The following DNAH9 variants were observed in gnomAD, a reference collection of about 807,000 sequenced individuals.
DNAH9 encodes the protein DNAH9 variant protein.
Under a neutral mutation model 471.6 loss-of-function variants are expected in DNAH9, and 345 were observed. That is an observed-to-expected ratio of 0.73 (90% confidence interval 0.67 to 0.80). DNAH9 has a LOEUF of 0.80. Ranked by LOEUF, DNAH9 falls within the 30% of genes least tolerant of loss-of-function variation. DNAH9 has a pLI of 0.00. For missense variants in DNAH9, 5,407 were observed against 5,609.2 expected (o/e 0.96, Z 1.15); for synonymous variants, 2,093 against 2,123.6 (o/e 0.99, Z 0.40).
intron 59 of DNAH9, 81 bp from the exon 60 acceptor site, chr17:11,902,638 T>G (rs1023781389): frequency 4.8e-6 from 6 of 1,260,176 alleles, no homozygotes; most frequent in Admixed American, 4.1e-5. Context: ...GATAAGACCA[T>G]CTGGCCCCTC....
intron 61 of DNAH9, among the ~76,000 whole-genome samples, chr17:11,915,516 A>G (rs1324702346): frequency 1.3e-5 from 2 of 149,752 alleles, no homozygotes; most frequent in Non-Finnish European, 3.0e-5. Context: ...CAGAGACTCC[A>G]TCTCAAAAAC....
Position 11,854,124 on chromosome 17 carries a change from C to T in DNAH9, c.9629C>T (p.Ala3210Val), listed in dbSNP as rs1385089946. ...GRVPKDRSWKAAKVTMAKVDG... is the reference protein window; with the variant it reads ...GRVPKDRSWKVAKVTMAKVDG... Reference sequence around the variant, plus strand: ...GTGCCCAAGGACCGGAGCTGGAAGGCTGCTAAGGTCACCATGGCCAAAGTG... The same window carrying T: ...GTGCCCAAGGACCGGAGCTGGAAGGTTGCTAAGGTCACCATGGCCAAAGTG... Residue 3210 changes from alanine (A) to valine (V), a missense_variant, in exon 50 of 69, where the codon GCT becomes GTT. Ala to Val is a moderately conservative substitution (Grantham distance 64, BLOSUM62 0). Coordinates refer to ENST00000262442, the MANE Select transcript of DNAH9 (RefSeq NM_001372.4). 2 of 1,614,072 alleles carry T rather than the reference C, an allele frequency of 1.2e-6. No homozygotes were observed. Among genetic ancestry groups the T allele is most frequent in the Admixed American group, 3.3e-5 (2 of 60,000 alleles).
intron 53 of DNAH9, among the ~76,000 whole-genome samples, chr17:11,877,131 T>C (rs1316645068): frequency 1.3e-5 from 2 of 151,864 alleles, no homozygotes; most frequent in Non-Finnish European, 2.9e-5. Context: ...ATATGTTACA[T>C]ATATTTTACC....
At chr17:11,931,950 A>C (rs1597842124) in intron 63 of DNAH9, 64 bp from the exon 64 acceptor site, 12 of 1,567,066 alleles carry the variant, frequency 7.7e-6, no homozygotes, top group Non-Finnish European at 7.0e-6. Context: ...TTGTAACCTC[A>C]CCCTAGCCAG....
At chr17:11,721,727 C>A (rs2075063371) in intron 27 of DNAH9, among the ~76,000 whole-genome samples, 1 of 151,916 alleles carries the variant, frequency 6.6e-6, no homozygotes, top group African/African-American at 2.4e-5. Flanking sequence ...GATAGTATAA[C>A]CCGATTTTAT....
At chr17:11,729,143 T>C (rs1031003561) in intron 28 of DNAH9, among the ~76,000 whole-genome samples, 1 of 152,212 alleles carries the variant, frequency 6.6e-6, no homozygotes, top group East Asian at 1.9e-4. Context: ...GGCTGAGCAG[T>C]AGGAAAACTG....
chr17:11,826,820 CTTTTT>C (rs760330537), intron 48 of DNAH9, among the ~76,000 whole-genome samples: 7 of 103,022 alleles, frequency 6.8e-5, no homozygotes, highest in Admixed American at 5.1e-4. Flanking sequence ...TCCCTACTTT[CTTTTT>C]TTTTTTTTTT....
chr17:11,657,345 C>G (rs1193921616), intron 14 of DNAH9, among the ~76,000 whole-genome samples: 1 of 152,020 alleles, frequency 6.6e-6, no homozygotes, highest in Non-Finnish European at 1.5e-5. Context: ...TTTTCATATG[C>G]TGATTGGCCA....
intron 19 of DNAH9, among the ~76,000 whole-genome samples, chr17:11,688,769 G>T (rs142721547): frequency 0.011 from 1,627 of 152,298 alleles, 33 homozygotes; most frequent in African/African-American, 0.037. Context: ...GGAGGGTCAA[G>T]GTTGGGCTCC....
At chr17:11,794,554 C>T (rs1323037007) in intron 42 of DNAH9, among the ~76,000 whole-genome samples, 1 of 152,148 alleles carries the variant, frequency 6.6e-6, no homozygotes, top group Non-Finnish European at 1.5e-5. Context: ...TCCTTTTAAC[C>T]ATTTCTGACA....
chr17:11,903,645 T>C (rs1333821421), intron 60 of DNAH9, among the ~76,000 whole-genome samples: 1 of 151,946 alleles, frequency 6.6e-6, no homozygotes, highest in Non-Finnish European at 1.5e-5. Flanking sequence ...GCGCGGTGGC[T>C]CACGCCTGTA....
intron 61 of DNAH9, among the ~76,000 whole-genome samples, chr17:11,907,508 T>C: frequency 6.7e-6 from 1 of 148,676 alleles, no homozygotes; most frequent in Admixed American, 6.8e-5. Flanking sequence ...GAAAGGAGGG[T>C]GTAATGAGGC....
chr17:11,836,605 AG>A (rs1464844973), intron 49 of DNAH9, among the ~76,000 whole-genome samples: 2 of 152,150 alleles, frequency 1.3e-5, no homozygotes, highest in Admixed American at 6.5e-5. Flanking sequence ...GGCCCCTCAC[AG>A]CAACACTCTG....
At position 11,894,417 on chromosome 17, in the gene DNAH9, T is replaced by A. The variant is rs1274468934; in HGVS notation, c.11327T>A (p.Phe3776Tyr). 1 of 1,614,192 alleles carries A rather than the reference T, an allele frequency of 6.2e-7. No homozygotes were observed. The highest frequency in any genetic ancestry group is 2.2e-5 in the East Asian group (1 of 44,886). The change falls in exon 59 of 69, where the codon TTC becomes TAC. Residue 3776 changes from phenylalanine to tyrosine, a missense_variant. Physicochemically the swap from Phe to Tyr is conservative, Grantham distance 22. This residue lies in a region of DNAH9 where 4,636 missense variants were observed against 4,900.3 expected (regional missense o/e 0.95). Transcript: ENST00000262442. ...GAAGTCAATGCAGTGGAGTTGGATT[T>A]CCTGCTTCGATCTCCAGTGCAGACG... ...NREVNAVELDFLLRSPVQTGT... is the reference protein window; with the variant it reads ...NREVNAVELDYLLRSPVQTGT...
At chr17:11,640,412 C>A in intron 10 of DNAH9, 28 bp downstream of exon 10, 1 of 1,443,198 alleles carries the variant, frequency 6.9e-7, no homozygotes, top group Non-Finnish European at 9.8e-7. Context: ...GAAAGACAGG[C>A]TTGTCTTGGG....
At chr17:11,620,358 C>G (rs2072831592) in intron 6 of DNAH9, among the ~76,000 whole-genome samples, 1 of 149,554 alleles carries the variant, frequency 6.7e-6, no homozygotes, top group African/African-American at 2.5e-5. Context: ...ACTAAAAATA[C>G]AAAAATTAGC....
chr17:11,756,456 G>A (rs1337586759), intron 33 of DNAH9, 112 bp from the exon 34 acceptor site: 7 of 706,808 alleles, frequency 9.9e-6, no homozygotes, highest in South Asian at 8.1e-5. Context: ...CCATATAAAG[G>A]AAATAATTCT....
At chr17:11,948,921 CTGT>C in intron 67 of DNAH9, among the ~76,000 whole-genome samples, 1 of 152,320 alleles carries the variant, frequency 6.6e-6, no homozygotes, top group East Asian at 1.9e-4. Flanking sequence ...CCCTGGCCCT[CTGT>C]GGACTGAACG....
At chr17:11,650,087 G>T (rs550570494) in intron 12 of DNAH9, among the ~76,000 whole-genome samples, 97 of 152,186 alleles carry the variant, frequency 6.4e-4, no homozygotes, top group African/African-American at 1.9e-3. Context: ...ACTTTTTACA[G>T]TTAAATTATT....
Sources: allele counts gnomAD v4.1 joint callset (sites outside exome capture counted in the v4.1 genomes callset), GRCh38; gene constraint gnomAD v4.1.1; regional missense constraint gnomAD v4.1.1; transcripts MANE v1.5; gene names NCBI Gene and HGNC (gene_info 2026-07-23, HGNC 2026-07-21).